The following PTPRB variants were observed in gnomAD, a reference collection of about 807,000 sequenced individuals.
The protein encoded by PTPRB is receptor-type tyrosine-protein phosphatase beta.
Under a neutral mutation model 238.1 loss-of-function variants are expected in PTPRB, and 97 were observed. That is an observed-to-expected ratio of 0.41 (90% CI 0.35 to 0.48). The LOEUF is 0.48. Ranked by LOEUF, PTPRB falls within the 20% of genes least tolerant of loss-of-function variation. The pLI is 0.30. For missense variants in PTPRB, 2,292 were observed against 2,681.9 expected (o/e 0.85, Z 3.21); for synonymous variants, 970 against 995.4 (o/e 0.97, Z 0.48).
At chr12:70,523,889 C>T (rs1421375207) in intron 33 of PTPRB, among the ~76,000 whole-genome samples, 1 of 151,752 alleles carries the variant, frequency 6.6e-6, no homozygotes, top group East Asian at 1.9e-4. Flanking sequence ...GATCTCGGCC[C>T]ACTGCAACTT....
intron 21 of PTPRB, among the ~76,000 whole-genome samples, chr12:70,551,188 G>C (rs1302081787): frequency 1.3e-5 from 2 of 152,108 alleles, no homozygotes; most frequent in Non-Finnish European, 2.9e-5. Flanking sequence ...GAGCCTCCAC[G>C]CCCAGCCGCA....
Position 70,552,961 on chromosome 12 carries a change from G to A in PTPRB, c.5203C>T (p.His1735Tyr), listed in dbSNP as rs889829945. The change falls in exon 21 of 34, where the codon CAC becomes TAC. Residue 1735 changes from histidine (H) to tyrosine (Y), a missense_variant. By Grantham distance (83) the His-to-Tyr change is moderately conservative. This residue lies in a region of PTPRB where 683 missense variants were observed against 862.0 expected (regional missense o/e 0.79). Coordinates refer to ENST00000334414, the MANE Select transcript of PTPRB (RefSeq NM_001109754.4). ...TGATACACCCGAATGGAGGCATTGT[G>A]CCTGTACTCCAGGTAGGAAGGGAGA... ...HPLPSYLEYRHNASIRVYQTN... is the reference protein window; with the variant it reads ...HPLPSYLEYRYNASIRVYQTN... The A allele has an allele frequency of 6.2e-7, 1 of 1,613,930 alleles. No homozygotes were observed. The highest frequency in any genetic ancestry group is 2.2e-5 in the East Asian group (1 of 44,876).
rs780267879 is a variant in PTPRB at position 70,596,022 on chromosome 12, C to T, written c.1258+27G>A. Reference sequence around the variant, plus strand: ...AACTTGAAAAGTATCCTATTAACTACTCAGCTATAAAATAAACAGGTCTTA... The same window carrying T: ...AACTTGAAAAGTATCCTATTAACTATTCAGCTATAAAATAAACAGGTCTTA... On this transcript the variant is annotated intron_variant, in intron 5 of 33. Transcript: ENST00000334414. 6.6e-6 allele frequency: 10 copies of T among 1,510,930 alleles called. No individual in the cohort carries two copies. In the East Asian group the frequency reaches 2.3e-4, roughly 35 times the overall value. 93.6% of individuals were successfully genotyped at this position (1,510,930 alleles called of 1,614,324 possible). A position where few individuals can be genotyped will look rare whatever the true frequency, so the allele number is the denominator to read the frequency against.
Position 70,566,571 on chromosome 12 carries a change from CAGA to C in PTPRB, c.3765_3767del (p.Leu1256del). On this transcript the variant is annotated inframe_deletion, in exon 15 of 34. Coordinates refer to ENST00000334414, the MANE Select transcript of PTPRB (RefSeq NM_001109754.4). ...TGGTGGCTGGCTCTGATGTGTTGCG[CAGA>C]AGGATTCCATTTTCAGTTAGAAGCA... The C allele has an allele frequency of 1.9e-6, 3 of 1,613,976 alleles. No homozygotes were observed. Among genetic ancestry groups the C allele is most frequent in the Middle Eastern group, 1.6e-4 (1 of 6,062 alleles).
chr12:70,546,136 C>CAAAAA (rs35320376), intron 21 of PTPRB, among the ~76,000 whole-genome samples: 3 of 81,974 alleles, frequency 3.7e-5, no homozygotes. Flanking sequence ...GACTCCACCT[C>CAAAAA]AAAAAAAAAA....
rs1871398689 is a variant in PTPRB, at chr12:70,518,966, A to G, written c.*2523T>C. Reference sequence around the variant, plus strand: ...ATGCAATTAAATGGAAATAAATCCAATAGAGCTGAATGTCAAGGAAAACTT... The same window carrying G: ...ATGCAATTAAATGGAAATAAATCCAGTAGAGCTGAATGTCAAGGAAAACTT... On this transcript the variant is annotated 3_prime_UTR_variant, in exon 34 of 34. Transcript: ENST00000334414. The G allele has an allele frequency of 6.6e-6, 1 of 152,164 alleles. No homozygotes were observed. Among genetic ancestry groups the G allele is most frequent in the South Asian group, 2.1e-4 (1 of 4,816 alleles). The allele number at this position is 152,164 out of a possible 1,614,324, so 9.4% of individuals were successfully genotyped here.
At chr12:70,566,272 T>C (rs1285466117) in intron 15 of PTPRB, among the ~76,000 whole-genome samples, 163 bp downstream of exon 15, 1 of 152,122 alleles carries the variant, frequency 6.6e-6, no homozygotes, top group Non-Finnish European at 1.5e-5. Context: ...CCTGCGTGGA[T>C]AGGGCAACTG....
chr12:70,609,239 C>T lies in PTPRB; in HGVS notation c.809G>A (p.Cys270Tyr), dbSNP rs1272386935. Reference protein sequence around the residue: ...SIQWRILGSPCNFSLIYSSDT... With the variant: ...SIQWRILGSPYNFSLIYSSDT... Reference sequence around the variant, plus strand: ...ACTGCTATAGATGAGGCTAAAGTTACAGGGTGAGCCCAAAATTCTCCACTG... The same window carrying T: ...ACTGCTATAGATGAGGCTAAAGTTATAGGGTGAGCCCAAAATTCTCCACTG... The change falls in exon 4 of 34, where the codon TGT becomes TAT. Residue 270 changes from cysteine (C) to tyrosine (Y), a missense_variant. Physicochemically the swap from Cys to Tyr is radical, Grantham distance 194. Coordinates refer to ENST00000334414, the MANE Select transcript of PTPRB (RefSeq NM_001109754.4). 1 of 1,613,954 alleles carries T rather than the reference C, an allele frequency of 6.2e-7. No homozygotes were observed. Among genetic ancestry groups the T allele is most frequent in the Non-Finnish European group, 8.5e-7 (1 of 1,179,916 alleles).
At chr12:70,570,012 T>C in intron 13 of PTPRB, 74 bp from the exon 14 acceptor site, 1 of 1,385,634 alleles carries the variant, frequency 7.2e-7, no homozygotes, top group Admixed American at 2.0e-5. Flanking sequence ...AAGTTTTGAA[T>C]GCTTCTGATG....
chr12:70,596,007 G>C (rs1419287586), intron 5 of PTPRB, 42 bp downstream of exon 5: 1 of 1,433,068 alleles, frequency 7.0e-7, no homozygotes, highest in Admixed American at 2.5e-5. Context: ...AACTTGAAAA[G>C]TATCCTATTA....
chr12:70,521,509 G>A lies in PTPRB; in HGVS notation c.6628C>T (p.Pro2210Ser). 6.5e-7 allele frequency: 1 copy of A among 1,544,532 alleles called. No homozygotes were observed. Among genetic ancestry groups the A allele is most frequent in the Non-Finnish European group, 8.7e-7 (1 of 1,145,014 alleles). ...CATTCTCAATGCCTTGAATAGACTG[G>A]ATCTGAAAGGAAGAACACTGTAATT... ...ENVNPEYHRD[P>S]VYSRH The change falls in exon 34 of 34, where the codon CCA becomes TCA. Residue 2210 changes from proline to serine, a missense_variant and splice_region_variant. Physicochemically the swap from Pro to Ser is moderately conservative, Grantham distance 74. Transcript: ENST00000334414.
At chr12:70,573,401 C>T (rs1311828145) in intron 11 of PTPRB, among the ~76,000 whole-genome samples, 1 of 151,682 alleles carries the variant, frequency 6.6e-6, no homozygotes, top group Non-Finnish European at 1.5e-5. Context: ...ATTTTAGGTA[C>T]TGGTTGGTTT....
At chr12:70,557,855 G>A (rs778346230) in intron 18 of PTPRB, among the ~76,000 whole-genome samples, 1 of 152,174 alleles carries the variant, frequency 6.6e-6, no homozygotes, top group Non-Finnish European at 1.5e-5. Context: ...TGCTATAGTT[G>A]TCCTCTGAGG....
chr12:70,540,218 C>T, intron 23 of PTPRB, 196 bp from the exon 24 acceptor site: 1 of 506,422 alleles, frequency 2.0e-6, no homozygotes, highest in Non-Finnish European at 3.4e-6. Flanking sequence ...AGAAACGGAT[C>T]TCTGCAAAAA....
At chr12:70,609,523 T>C (rs1884255064) in intron 3 of PTPRB, among the ~76,000 whole-genome samples, 184 bp from the exon 4 acceptor site, 1 of 152,334 alleles carries the variant, frequency 6.6e-6, no homozygotes. Flanking sequence ...ACTTTCTCCC[T>C]AGCTGCTGTC....
At position 70,555,308 on chromosome 12, in the gene PTPRB, G is replaced by C; in HGVS notation, c.4995C>G (p.Arg1665=). 3 of 1,609,514 alleles carry C rather than the reference G, an allele frequency of 1.9e-6. No homozygotes were observed. The highest frequency in any genetic ancestry group is 2.2e-5 in the East Asian group (1 of 44,772). ...VEDSTITMID[R]PPPPPPHIRV... The stretch of plus-strand genomic sequence containing the variant: ...GAATGTGTGGGGGTGGAGGAGGGGG[G>C]CCTGGAAAAAGAGGTGGGGAAGGAA... Residue 1665 remains arginine, a splice_region_variant and synonymous_variant, in exon 20 of 34, where the codon CGC becomes CGG. Coordinates refer to ENST00000334414, the MANE Select transcript of PTPRB (RefSeq NM_001109754.4).
At chr12:70,526,011 T>A (rs1024483074) in intron 32 of PTPRB, among the ~76,000 whole-genome samples, 6 of 152,188 alleles carry the variant, frequency 3.9e-5, no homozygotes. Flanking sequence ...TAAAAGTATT[T>A]TAGAGGTTTG....
chr12:70,570,291 A>G (rs901911438), intron 13 of PTPRB, among the ~76,000 whole-genome samples: 1 of 152,186 alleles, frequency 6.6e-6, no homozygotes, highest in Non-Finnish European at 1.5e-5. Context: ...GAAAAATGGC[A>G]GTGATGATAA....
At chr12:70,586,931 T>A (rs1330207955) in intron 9 of PTPRB, 76 bp downstream of exon 9, 2 of 1,407,734 alleles carry the variant, frequency 1.4e-6, no homozygotes, top group Non-Finnish European at 2.0e-6. Context: ...AGTTAATGAA[T>A]ACTTGTAAAT....
Sources: gnomAD v4.1 joint callset for allele counts (sites outside exome capture counted in the v4.1 genomes callset) on GRCh38, gnomAD v4.1.1 for gene constraint, gnomAD v4.1.1 regional missense constraint, MANE v1.5 for transcripts, NCBI Gene and HGNC (gene_info 2026-07-23, HGNC 2026-07-21) for gene names.